PAFAH1B1: variants seen among roughly 807,000 people sequenced by gnomAD.
The protein encoded by PAFAH1B1 is platelet-activating factor acetylhydrolase IB subunit beta.
Under a neutral mutation model 57.5 loss-of-function variants are expected in PAFAH1B1, and 2 were observed. The observed-to-expected ratio is 0.03, with a 90% CI of 0.01 to 0.11. The LOEUF is 0.11. PAFAH1B1 is among the 10% of genes least tolerant of loss of function. The pLI is 1.00. For missense variants in PAFAH1B1, 257 were observed against 512.0 expected, an observed-to-expected ratio of 0.50 and a Z score of 4.81; for synonymous variants, 152 against 169.6, an observed-to-expected ratio of 0.90 and a Z score of 0.81.
At chr17:2,618,851 G>T (rs2068381266) in intron 1 of PAFAH1B1, among the ~76,000 whole-genome samples, 1 of 148,774 alleles carries the variant, frequency 6.7e-6, no homozygotes, top group African/African-American at 2.5e-5. Flanking sequence ...GGTGGAGGTT[G>T]CAGTGAGGCA....
intron 1 of PAFAH1B1, among the ~76,000 whole-genome samples, chr17:2,611,197 C>T (rs533855430): frequency 2.2e-4 from 33 of 152,090 alleles, no homozygotes; most frequent in Middle Eastern, 3.4e-3. Context: ...GGGCCAGGCG[C>T]GGTGACTCAT....
intron 9 of PAFAH1B1, among the ~76,000 whole-genome samples, chr17:2,676,980 G>A (rs2069279117): frequency 6.6e-6 from 1 of 152,056 alleles, no homozygotes; most frequent in African/African-American, 2.4e-5. Flanking sequence ...GGGAAATCCC[G>A]TCTCTACCAA....
intron 1 of PAFAH1B1, among the ~76,000 whole-genome samples, chr17:2,602,927 G>C (rs1438184245): frequency 1.3e-5 from 2 of 152,184 alleles, no homozygotes; most frequent in African/African-American, 4.8e-5. Context: ...TTCAGCCACC[G>C]TACTGTGCTG....
rs548674208 is a variant in PAFAH1B1 at position 2,636,690 on chromosome 17, C to T, written c.-190-1409C>T. On this transcript the variant is annotated intron_variant, in intron 1 of 10. Coordinates refer to ENST00000397195, the MANE Select transcript of PAFAH1B1 (RefSeq NM_000430.4). ...CTAGGTTTGCAGACATAAGCCACCA[C>T]GCCTGGCCTCAGGGCTCATATTTGA... is the stretch of plus-strand genomic sequence containing the variant. Among the ~76,000 whole-genome samples, 254 of 152,240 alleles carry T rather than the reference C, an allele frequency of 1.7e-3. 2 individuals are homozygous for T. Among genetic ancestry groups the T allele is most frequent in the African/African-American group, 5.7e-3 (237 of 41,540 alleles).
At chr17:2,648,246 G>T (rs569041856) in intron 2 of PAFAH1B1, among the ~76,000 whole-genome samples, 1 of 152,120 alleles carries the variant, frequency 6.6e-6, no homozygotes, top group East Asian at 1.9e-4. Flanking sequence ...CCATGATCCA[G>T]TTACCTTCCA....
At chr17:2,603,205 G>T (rs912999849) in intron 1 of PAFAH1B1, among the ~76,000 whole-genome samples, 1 of 152,160 alleles carries the variant, frequency 6.6e-6, no homozygotes, top group Non-Finnish European at 1.5e-5. Context: ...TGTTGCCCAG[G>T]CTGGAGTGCA....
At chr17:2,669,556 G>C (rs530699760) in intron 5 of PAFAH1B1, among the ~76,000 whole-genome samples, 24 of 152,262 alleles carry the variant, frequency 1.6e-4, no homozygotes, top group Admixed American at 1.6e-3. Flanking sequence ...ACTGCGCCCG[G>C]CCATATTTCA....
intron 5 of PAFAH1B1, among the ~76,000 whole-genome samples, chr17:2,668,655 G>A (rs2069139726): frequency 6.6e-6 from 1 of 151,880 alleles, no homozygotes; most frequent in Non-Finnish European, 1.5e-5. Flanking sequence ...CTCCAGCCTG[G>A]GCGAAGAGTG....
intron 1 of PAFAH1B1, among the ~76,000 whole-genome samples, chr17:2,597,983 A>G (rs1424630427): frequency 6.6e-6 from 1 of 152,076 alleles, no homozygotes; most frequent in Non-Finnish European, 1.5e-5. Flanking sequence ...ATGGTGGCTC[A>G]CACTTACACT....
At position 2,638,327 on chromosome 17, in the gene PAFAH1B1, T is replaced by G. The variant is rs746258697; in HGVS notation, c.32+7T>G. 6.2e-7 allele frequency: 1 copy of G among 1,612,440 alleles called. No individual in the cohort carries two copies. The highest frequency in any genetic ancestry group is 8.5e-7 in the Non-Finnish European group (1 of 1,179,004). On this transcript the variant is annotated splice_region_variant and intron_variant, in intron 2 of 10. Coordinates refer to ENST00000397195, the MANE Select transcript of PAFAH1B1 (RefSeq NM_000430.4). The stretch of plus-strand genomic sequence containing the variant: ...AGAGACAACGAGATGAACTGTAAGT[T>G]TCTTTGTTTTGTGCTTTAAAAAAAA...
At chr17:2,618,227 C>T (rs181517700) in intron 1 of PAFAH1B1, among the ~76,000 whole-genome samples, 3 of 152,212 alleles carry the variant, frequency 2.0e-5, no homozygotes, top group African/African-American at 4.8e-5. Context: ...CCAGCCTGAG[C>T]GACAGAGCAA....
intron 1 of PAFAH1B1, among the ~76,000 whole-genome samples, chr17:2,625,225 T>C (rs945241968): frequency 1.3e-5 from 2 of 152,214 alleles, no homozygotes; most frequent in Non-Finnish European, 2.9e-5. Context: ...GTCCTTGATA[T>C]CAGTCTAAGA....
At position 2,684,384 on chromosome 17, in the gene PAFAH1B1, T is replaced by G. The variant is rs996316749; in HGVS notation, c.*2582T>G. 3.9e-5 allele frequency: 6 copies of G among 152,682 alleles called. No homozygotes were observed. The highest frequency in any genetic ancestry group is 4.4e-5 in the Non-Finnish European group (3 of 68,058). The allele number at this position is 152,682 out of a possible 1,614,324, so 9.5% of individuals were successfully genotyped here. A position where few individuals can be genotyped will look rare whatever the true frequency, so the allele number is the denominator to read the frequency against. ...CCTGGGATAAGGACAATGATGAGGT[T>G]ACTGGTTTGGATTGTAAGTAGAGGA... On this transcript the variant is annotated 3_prime_UTR_variant, in exon 11 of 11. Transcript: ENST00000397195.
At chr17:2,674,587 G>A (rs1597575707) in intron 8 of PAFAH1B1, among the ~76,000 whole-genome samples, 1 of 152,154 alleles carries the variant, frequency 6.6e-6, no homozygotes, top group Non-Finnish European at 1.5e-5. Context: ...CAAAACCTGA[G>A]GGAGAGGTTA....
At chr17:2,640,339 G>A (rs1005612891) in intron 2 of PAFAH1B1, 1 of 144,018 alleles carries the variant, frequency 6.9e-6, no homozygotes, top group African/African-American at 2.6e-5. Context: ...TGTGTCTTCA[G>A]TCACATTTAA....
chr17:2,606,810 CTTTTTTTTTTT>C (rs770011553), intron 1 of PAFAH1B1, among the ~76,000 whole-genome samples: 3 of 101,714 alleles, frequency 2.9e-5, no homozygotes, highest in Non-Finnish European at 4.0e-5. Flanking sequence ...TGCCTCAGAG[CTTTTTTTTTTT>C]TTTTTTTTTT....
intron 2 of PAFAH1B1, among the ~76,000 whole-genome samples, chr17:2,662,682 T>C (rs2069034327): frequency 6.6e-6 from 1 of 152,052 alleles, no homozygotes; most frequent in Non-Finnish European, 1.5e-5. Context: ...TGGAATTACA[T>C]GCGTAGGCCA....
intron 2 of PAFAH1B1, among the ~76,000 whole-genome samples, chr17:2,654,499 A>G (rs1259299158): frequency 6.6e-6 from 1 of 152,100 alleles, no homozygotes. Context: ...TAAAAGTTTG[A>G]TAATGATGGA....
chr17:2,661,677 A>G (rs1419584879), intron 2 of PAFAH1B1, among the ~76,000 whole-genome samples: 3 of 152,184 alleles, frequency 2.0e-5, no homozygotes, highest in Non-Finnish European at 4.4e-5. Context: ...CTAGTAAGAA[A>G]ACATCTCAGT....
Sources: gnomAD v4.1 joint callset for allele counts (sites outside exome capture counted in the v4.1 genomes callset) on GRCh38, gnomAD v4.1.1 for gene constraint, MANE v1.5 for transcripts, NCBI Gene and HGNC (gene_info 2026-07-23, HGNC 2026-07-21) for gene names.